The following FAT3 variants were observed in gnomAD, a reference collection of about 807,000 sequenced individuals.
FAT3 encodes FAT atypical cadherin 3, also known as protocadherin Fat 3.
FAT3 carries 95 observed loss-of-function variants against 310.2 expected under a neutral mutation model. That is an observed-to-expected ratio of 0.31 (90% confidence interval 0.26 to 0.36). The LOEUF (loss-of-function observed/expected upper bound fraction) is 0.36, where lower values mean the gene tolerates loss of function less well. Among genes scored for constraint, FAT3 ranks in the 10% least tolerant of loss-of-function variants. The pLI is 1.00. For missense variants in FAT3, 5,408 were observed against 5,715.6 expected, an observed-to-expected ratio of 0.95 and a Z score of 1.74; for synonymous variants, 2,314 against 2,192.9, an observed-to-expected ratio of 1.06 and a Z score of -1.54.
chr11:92,614,328 A>G (rs2135637389), intron 3 of FAT3, among the ~76,000 whole-genome samples: 1 of 152,294 alleles, frequency 6.6e-6, no homozygotes, highest in Non-Finnish European at 1.5e-5. Context: ...CTGCCAGACT[A>G]TTTTGCAAAG....
At position 92,809,859 on chromosome 11, in the gene FAT3, G is replaced by A; in HGVS notation, c.9264G>A (p.Leu3088=). The A allele has an allele frequency of 6.2e-7, 1 of 1,613,232 alleles. No homozygotes were observed. Among genetic ancestry groups the A allele is most frequent in the Admixed American group, 1.7e-5 (1 of 59,974 alleles). ...LDPESGELKT[L]ALLDRERIPV... ...TTTTCACAGGCGAGTTAAAAACCTT[G>A]GCTCTGTTGGACCGGGAGAGGATCC... Residue 3088 remains leucine (L), a synonymous_variant, in exon 13 of 28, where the codon TTG becomes TTA. Transcript: ENST00000525166.
chr11:92,358,465 C>T (rs1008456569), intron 2 of FAT3, among the ~76,000 whole-genome samples: 2 of 152,034 alleles, frequency 1.3e-5, no homozygotes, highest in African/African-American at 4.8e-5. Context: ...CAATGTCTTT[C>T]CTCCTTTATT....
chr11:92,293,705 C>T (rs2134403611), intron 1 of FAT3, among the ~76,000 whole-genome samples: 1 of 151,632 alleles, frequency 6.6e-6, no homozygotes, highest in South Asian at 2.1e-4. Context: ...TTCTAGCCCT[C>T]ATAGCTACAG....
chr11:92,383,241 A>G (rs902809907), intron 2 of FAT3, among the ~76,000 whole-genome samples: 2 of 152,174 alleles, frequency 1.3e-5, no homozygotes, highest in African/African-American at 4.8e-5. Context: ...TCTGTCACTG[A>G]TGGACGTTTA....
In FAT3 at chr11:92,797,912, G is replaced by A. The variant is rs772117922; in HGVS notation, c.4899G>A (p.Thr1633=). 64 of 1,613,764 alleles carry A rather than the reference G, an allele frequency of 4.0e-5. No individual in the cohort carries two copies. The highest frequency in any genetic ancestry group is 2.6e-4 in the South Asian group (24 of 91,074). Residue 1633 remains threonine (T), a synonymous_variant, in exon 10 of 28, where the codon ACG becomes ACA. Transcript: ENST00000525166. ...TTTGCAAAGAACCAGACATGACGACGATGGGTCAGTTTGTCCTATCCATCA... is the reference window on the plus strand; with the variant it reads ...TTTGCAAAGAACCAGACATGACGACAATGGGTCAGTTTGTCCTATCCATCA... ...ITICKEPDMT[T]MGQFVLSIKV...
intron 7 of FAT3, among the ~76,000 whole-genome samples, chr11:92,778,549 T>C (rs1374565257): frequency 6.6e-6 from 1 of 152,194 alleles, no homozygotes; most frequent in African/African-American, 2.4e-5. Context: ...CCAAAACAGT[T>C]TGAGTTCCTA....
chr11:92,794,803 T>C (rs1315016419), intron 9 of FAT3, among the ~76,000 whole-genome samples: 1 of 152,172 alleles, frequency 6.6e-6, no homozygotes, highest in Non-Finnish European at 1.5e-5. Flanking sequence ...TCACAATAAA[T>C]CTCAAATGAC....
At chr11:92,561,919 C>T (rs764702885) in intron 3 of FAT3, among the ~76,000 whole-genome samples, 64 of 152,186 alleles carry the variant, frequency 4.2e-4, no homozygotes, top group Non-Finnish European at 7.8e-4. Context: ...AACCACCATG[C>T]CTGGCCTACC....
At chr11:92,318,284 A>G (rs1947519521) in intron 1 of FAT3, among the ~76,000 whole-genome samples, 1 of 152,152 alleles carries the variant, frequency 6.6e-6, no homozygotes. Context: ...CTTCTGTGGG[A>G]AAAGACCCCC....
At chr11:92,367,640 A>T (rs944174994) in intron 2 of FAT3, among the ~76,000 whole-genome samples, 2 of 152,040 alleles carry the variant, frequency 1.3e-5, no homozygotes, top group Non-Finnish European at 2.9e-5. Flanking sequence ...CCAAAAAAAC[A>T]ACAACAAAAA....
intron 4 of FAT3, among the ~76,000 whole-genome samples, chr11:92,741,222 G>C (rs573533427): frequency 6.6e-6 from 1 of 152,080 alleles, no homozygotes; most frequent in South Asian, 2.1e-4. Context: ...TTTAATTTTC[G>C]TGGAGACAAA....
chr11:92,694,900 G>A (rs1943894918), intron 3 of FAT3, among the ~76,000 whole-genome samples: 1 of 152,192 alleles, frequency 6.6e-6, no homozygotes, highest in Non-Finnish European at 1.5e-5. Context: ...CACTTTGAAA[G>A]AGCCTCTGTG....
intron 12 of FAT3, among the ~76,000 whole-genome samples, chr11:92,807,372 T>C (rs1947531482): frequency 6.6e-6 from 1 of 152,174 alleles, no homozygotes; most frequent in Non-Finnish European, 1.5e-5. Flanking sequence ...CTCAGTATCT[T>C]GGGCTCTAAG....
rs1591732039 is a variant in FAT3, at chr11:92,788,039, G to C, written c.4336-1904G>C. Among the ~76,000 whole-genome samples the C allele has an allele frequency of 3.3e-5, 5 of 152,176 alleles. No individual in the cohort carries two copies. The Middle Eastern group carries it at 0.014, about 414-fold the overall frequency. On this transcript the variant is annotated intron_variant, in intron 7 of 27. Transcript: ENST00000525166. The stretch of plus-strand genomic sequence containing the variant: ...CCGAAGCATAATAGCCAATCCAGTA[G>C]CAATAAGTATTCCTAGCAGCGGATC...
At chr11:92,836,176 A>T (rs954485448) in intron 15 of FAT3, among the ~76,000 whole-genome samples, 12 of 152,172 alleles carry the variant, frequency 7.9e-5, no homozygotes, top group Admixed American at 2.6e-4. Flanking sequence ...CTTCCTTAAC[A>T]TGGAAATGCA....
chr11:92,851,219 G>T (rs1409235401), intron 19 of FAT3, among the ~76,000 whole-genome samples: 1 of 152,156 alleles, frequency 6.6e-6, no homozygotes, highest in African/African-American at 2.4e-5. Context: ...ATCAAAAAAG[G>T]ACAACAAGGG....
In FAT3 at chr11:92,352,734, C is replaced by A. The variant is rs773033935; in HGVS notation, c.622C>A (p.Pro208Thr). The A allele has an allele frequency of 6.2e-6, 10 of 1,613,778 alleles. No individual in the cohort carries two copies. Among genetic ancestry groups the A allele is most frequent in the Non-Finnish European group, 8.5e-6 (10 of 1,179,868 alleles). ...TAAAGTTGATCTCTTTTCAGTTCAC[C>A]CCACGAGTGGTGTCATCTCCTTAAG... ...KNKVDLFSVH[P>T]TSGVISLSGR... is the part of the protein sequence containing the mutation. The change falls in exon 2 of 28, where the codon CCC (proline) becomes ACC (threonine). Residue 208 changes from proline to threonine, a missense_variant. Pro to Thr is a conservative substitution (Grantham distance 38). This residue lies in a region of FAT3 where 4,588 missense variants were observed against 4,809.8 expected (regional missense o/e 0.95). Transcript: ENST00000525166.
intron 2 of FAT3, among the ~76,000 whole-genome samples, chr11:92,373,988 TA>T (rs1949268659): frequency 6.6e-6 from 1 of 151,440 alleles, no homozygotes; most frequent in Non-Finnish European, 1.5e-5. Context: ...GACTATGGTA[TA>T]ACTCTCAGTC....
chr11:92,703,646 C>T (rs927563768), intron 4 of FAT3, among the ~76,000 whole-genome samples: 2 of 152,234 alleles, frequency 1.3e-5, no homozygotes, highest in Non-Finnish European at 2.9e-5. Flanking sequence ...TGTTCACATT[C>T]TTATTCTTAT....
Sources: gnomAD v4.1 joint callset for allele counts (sites outside exome capture counted in the v4.1 genomes callset) on GRCh38, gnomAD v4.1.1 for gene constraint, gnomAD v4.1.1 regional missense constraint, MANE v1.5 for transcripts, NCBI Gene and HGNC (gene_info 2026-07-23, HGNC 2026-07-21) for gene names.